KIAA1217: variants seen among roughly 807,000 people sequenced by gnomAD.
KIAA1217 encodes sickle tail protein homolog.
Under a neutral mutation model 163.9 loss-of-function variants are expected in KIAA1217, and 88 were observed. That is an observed-to-expected ratio of 0.54 (90% CI 0.45 to 0.64). The LOEUF (loss-of-function observed/expected upper bound fraction) is 0.64. KIAA1217 is among the 30% of genes least tolerant of loss of function. The probability of loss-of-function intolerance (pLI) is 0.00; values close to 1 mark genes in which losing one functional copy is unlikely to be tolerated. For synonymous variants in KIAA1217, 903 were observed against 923.1 expected (o/e 0.98, Z 0.39); for missense variants, 2,372 against 2,475.0 (o/e 0.96, Z 0.88).
At chr10:23,990,253 A>G (rs566492205) in intron 1 of KIAA1217, among the ~76,000 whole-genome samples, 1 of 152,332 alleles carries the variant, frequency 6.6e-6, no homozygotes, top group Admixed American at 6.5e-5. Flanking sequence ...CATGCAACAT[A>G]TATCCCAACC....
intron 1 of KIAA1217, among the ~76,000 whole-genome samples, chr10:23,790,602 CAT>C (rs1369317303): frequency 1.7e-5 from 2 of 114,812 alleles, no homozygotes; most frequent in Admixed American, 9.6e-5. Context: ...TATACATGTA[CAT>C]ATATACATAT....
At chr10:23,793,742 A>G (rs924333240) in intron 1 of KIAA1217, among the ~76,000 whole-genome samples, 20 of 152,174 alleles carry the variant, frequency 1.3e-4, no homozygotes, top group Admixed American at 1.2e-3. Context: ...AACTGCTGCT[A>G]CAGCCGCCTT....
At chr10:24,363,197 G>A (rs1174405156) in intron 2 of KIAA1217, among the ~76,000 whole-genome samples, 1 of 152,170 alleles carries the variant, frequency 6.6e-6, no homozygotes, top group Non-Finnish European at 1.5e-5. Flanking sequence ...TTGAAGTACT[G>A]TACGTGTGTC....
chr10:23,979,159 A>G (rs1845660683), intron 1 of KIAA1217, among the ~76,000 whole-genome samples: 1 of 152,218 alleles, frequency 6.6e-6, no homozygotes, highest in African/African-American at 2.4e-5. Flanking sequence ...AATCACTTTG[A>G]GCCACTGAAA....
chr10:24,076,270 C>T (rs117473695), intron 2 of KIAA1217, among the ~76,000 whole-genome samples: 15 of 152,286 alleles, frequency 9.8e-5, no homozygotes, highest in East Asian at 7.7e-4. Flanking sequence ...TAATACTGAA[C>T]GCTCAGTATC....
intron 13 of KIAA1217, among the ~76,000 whole-genome samples, chr10:24,527,611 C>G (rs1051536380): frequency 5.9e-5 from 9 of 151,936 alleles, no homozygotes; most frequent in Admixed American, 3.9e-4. Flanking sequence ...CTGCAGTGAG[C>G]TATAATGACA....
intron 9 of KIAA1217, among the ~76,000 whole-genome samples, chr10:24,509,862 A>T (rs2068860354): frequency 6.6e-6 from 1 of 152,222 alleles, no homozygotes; most frequent in Non-Finnish European, 1.5e-5. Context: ...AAGAAAGGGA[A>T]AATCATAATA....
chr10:24,234,489 C>T (rs1202643652), intron 2 of KIAA1217, among the ~76,000 whole-genome samples: 1 of 151,648 alleles, frequency 6.6e-6, no homozygotes, highest in Non-Finnish European at 1.5e-5. Context: ...TATGGTGAAA[C>T]CCTGTCTCTA....
At chr10:23,919,555 G>A (rs1842768959) in intron 1 of KIAA1217, among the ~76,000 whole-genome samples, 1 of 138,484 alleles carries the variant, frequency 7.2e-6, no homozygotes, top group South Asian at 2.5e-4. Context: ...GCAGTAGGTC[G>A]ATATTGTGCC....
intron 2 of KIAA1217, among the ~76,000 whole-genome samples, chr10:24,331,859 G>A (rs1438224626): frequency 1.3e-5 from 2 of 152,182 alleles, no homozygotes; most frequent in Non-Finnish European, 2.9e-5. Flanking sequence ...GAGTGCAATG[G>A]CGCGATCTCA....
chr10:24,024,659 T>C (rs898646124), intron 2 of KIAA1217, among the ~76,000 whole-genome samples: 23 of 151,810 alleles, frequency 1.5e-4, no homozygotes, highest in African/African-American at 5.3e-4. Context: ...TAAAAGGTGG[T>C]TGTATCGTTT....
intron 2 of KIAA1217, among the ~76,000 whole-genome samples, chr10:24,172,733 C>T (rs544829378): frequency 6.6e-6 from 1 of 152,324 alleles, no homozygotes; most frequent in Admixed American, 6.5e-5. Flanking sequence ...CAACATTGTT[C>T]ACAGTTCCCT....
At chr10:24,200,829 C>A (rs2067222763) in intron 2 of KIAA1217, among the ~76,000 whole-genome samples, 1 of 152,040 alleles carries the variant, frequency 6.6e-6, no homozygotes, top group Non-Finnish European at 1.5e-5. Flanking sequence ...TCAGAAGGGG[C>A]CTGTGAGCAG....
chr10:24,091,141 A>G (rs926469040), intron 2 of KIAA1217, among the ~76,000 whole-genome samples: 1 of 152,038 alleles, frequency 6.6e-6, no homozygotes, highest in South Asian at 2.1e-4. Context: ...GTTAAATCTG[A>G]TATCCAACAA....
chr10:24,480,297 G>C (rs995966257), intron 6 of KIAA1217, among the ~76,000 whole-genome samples: 1 of 152,208 alleles, frequency 6.6e-6, no homozygotes, highest in African/African-American at 2.4e-5. Context: ...CATTCGTAAG[G>C]CAAGGACCAG....
chr10:23,880,373 C>T (rs1231342712), intron 1 of KIAA1217, among the ~76,000 whole-genome samples: 1 of 151,818 alleles, frequency 6.6e-6, no homozygotes, highest in East Asian at 1.9e-4. Context: ...CACCTGTTCT[C>T]ACTTATCTGT....
intron 2 of KIAA1217, among the ~76,000 whole-genome samples, chr10:24,169,886 A>G (rs2065543057): frequency 6.6e-6 from 1 of 152,198 alleles, no homozygotes. Context: ...AACAAAAAGA[A>G]AATTAAAAAA....
chr10:23,977,140 TA>T, intron 1 of KIAA1217, among the ~76,000 whole-genome samples: 1 of 152,186 alleles, frequency 6.6e-6, no homozygotes. Flanking sequence ...CTTGGTTCCA[TA>T]AGGATGATTT....
chr10:23,912,994 C>G lies in KIAA1217; in HGVS notation c.-320-94231C>G, dbSNP rs185064171. On this transcript the variant is annotated intron_variant, in intron 1 of 18. Transcript: ENST00000376462. ...CGTTTTTCTCAGCCTGTCAGTTTCT[C>G]TTCTGAGTTGTCTATGTAGCACCCA... is the stretch of plus-strand genomic sequence containing the variant. Among the ~76,000 whole-genome samples the G allele has an allele frequency of 1.9e-4, 29 of 152,292 alleles. No homozygotes were observed. In the East Asian group the frequency reaches 4.6e-3, roughly 24 times the overall value.
Sources: allele counts gnomAD v4.1 joint callset (sites outside exome capture counted in the v4.1 genomes callset), GRCh38; gene constraint gnomAD v4.1.1; transcripts MANE v1.5; gene names NCBI Gene and HGNC (gene_info 2026-07-23, HGNC 2026-07-21).